CNTN3: variants seen among roughly 807,000 people sequenced by gnomAD.
CNTN3 encodes the protein contactin 3.
A neutral mutation model predicts 119.1 loss-of-function variants in CNTN3; 60 were observed. The observed-to-expected ratio is 0.50, with a 90% CI of 0.41 to 0.62. CNTN3 has a LOEUF of 0.62. Among genes scored for constraint, CNTN3 ranks in the 20% least tolerant of loss-of-function variants. The pLI is 0.00. For missense variants in CNTN3, 1,101 were observed against 1,242.4 expected (o/e 0.89, Z 1.71); for synonymous variants, 450 against 438.7 (o/e 1.03, Z -0.32).
At chr3:74,561,661 G>C (rs1704156116) in intron 1 of CNTN3, among the ~76,000 whole-genome samples, 2 of 152,086 alleles carry the variant, frequency 1.3e-5, no homozygotes, top group South Asian at 2.1e-4. Flanking sequence ...ACTTTCCTCA[G>C]ATCAATTATT....
intron 4 of CNTN3, among the ~76,000 whole-genome samples, chr3:74,478,732 A>G (rs781560026): frequency 1.3e-5 from 2 of 152,174 alleles, no homozygotes; most frequent in Non-Finnish European, 2.9e-5. Flanking sequence ...GTTTGTGCCA[A>G]CAACCAAATA....
At chr3:74,550,962 A>G (rs901727972) in intron 1 of CNTN3, among the ~76,000 whole-genome samples, 1 of 152,196 alleles carries the variant, frequency 6.6e-6, no homozygotes, top group African/African-American at 2.4e-5. Flanking sequence ...TAGCAAAGCT[A>G]TGCCAGCCTG....
intron 1 of CNTN3, among the ~76,000 whole-genome samples, chr3:74,524,420 A>G (rs777625394): frequency 1.3e-5 from 2 of 151,854 alleles, no homozygotes; most frequent in Non-Finnish European, 2.9e-5. Context: ...TGCCCACATG[A>G]AAGGTACAGT....
At chr3:74,543,460 G>T (rs2107150064) in intron 1 of CNTN3, among the ~76,000 whole-genome samples, 1 of 152,158 alleles carries the variant, frequency 6.6e-6, no homozygotes, top group South Asian at 2.1e-4. Flanking sequence ...GTGTGAGAAT[G>T]TACTCTTAGA....
intron 1 of CNTN3, among the ~76,000 whole-genome samples, chr3:74,556,910 A>C (rs1704077735): frequency 6.6e-6 from 1 of 152,132 alleles, no homozygotes; most frequent in Non-Finnish European, 1.5e-5. Flanking sequence ...CCATGTTTTC[A>C]TGTGCTTATT....
At chr3:74,391,418 C>T (rs1157760917) in intron 5 of CNTN3, among the ~76,000 whole-genome samples, 1 of 151,980 alleles carries the variant, frequency 6.6e-6, no homozygotes, top group Non-Finnish European at 1.5e-5. Context: ...GCTTATGTTC[C>T]CAACTGTAAC....
At chr3:74,328,548 T>C (rs1047703295) in intron 13 of CNTN3, among the ~76,000 whole-genome samples, 1 of 152,206 alleles carries the variant, frequency 6.6e-6, no homozygotes, top group Admixed American at 6.5e-5. Flanking sequence ...TTTGACTTAT[T>C]CTTGTAAATT....
chr3:74,528,704 T>C (rs940934009), intron 1 of CNTN3, among the ~76,000 whole-genome samples: 2 of 151,944 alleles, frequency 1.3e-5, no homozygotes, highest in African/African-American at 4.8e-5. Flanking sequence ...AGTAATCAGA[T>C]CATTAGAGAG....
chr3:74,301,337 C>A, intron 16 of CNTN3, 61 bp downstream of exon 16: 1 of 1,548,896 alleles, frequency 6.5e-7, no homozygotes, highest in Admixed American at 1.8e-5. Context: ...AGTTCAGGGC[C>A]AAGGGAAATG....
At chr3:74,476,390 A>C (rs1702655686) in intron 4 of CNTN3, among the ~76,000 whole-genome samples, 1 of 152,172 alleles carries the variant, frequency 6.6e-6, no homozygotes, top group Admixed American at 6.5e-5. Flanking sequence ...GACAGTTCTC[A>C]CTTTGGTATA....
At chr3:74,379,269 C>A (rs551115625) in intron 5 of CNTN3, among the ~76,000 whole-genome samples, 22 of 152,234 alleles carry the variant, frequency 1.4e-4, no homozygotes, top group African/African-American at 5.1e-4. Context: ...GATTCTCCTG[C>A]CTCAGCCTCC....
intron 2 of CNTN3, among the ~76,000 whole-genome samples, chr3:74,501,173 T>A (rs1559635076): frequency 6.6e-6 from 1 of 151,466 alleles, no homozygotes; most frequent in Non-Finnish European, 1.5e-5. Flanking sequence ...CACCCAATAG[T>A]CTTGCCTTGG....
Position 74,302,847 on chromosome 3 carries a change from T to A in CNTN3, c.1669-40A>T, listed in dbSNP as rs77822086. 3,349 of 1,326,822 alleles carry A rather than the reference T, an allele frequency of 2.5e-3. 57 individuals are homozygous for A. In the African/African-American group the frequency reaches 0.043, roughly 17 times the overall value. The allele number at this position is 1,326,822 out of a possible 1,614,324, so 82.2% of individuals were successfully genotyped here. ...GGTAATGAATACACTGTTATTTTTT[T>A]AAAAAACACAAAGAAGTTTGAAGTC... is the stretch of plus-strand genomic sequence containing the variant. On this transcript the variant is annotated intron_variant, in intron 13 of 22. Transcript: ENST00000263665.
chr3:74,436,503 T>C (rs2106919443), intron 4 of CNTN3, among the ~76,000 whole-genome samples: 1 of 152,338 alleles, frequency 6.6e-6, no homozygotes, highest in Middle Eastern at 3.4e-3. Flanking sequence ...CAAGCCCTTC[T>C]GCTTTCATCA....
At chr3:74,478,219 C>T (rs1212364912) in intron 4 of CNTN3, among the ~76,000 whole-genome samples, 4 of 152,060 alleles carry the variant, frequency 2.6e-5, no homozygotes, top group East Asian at 3.9e-4. Flanking sequence ...GATGTGTGCG[C>T]AGAATCCTCA....
At chr3:74,447,600 A>T (rs1192566402) in intron 4 of CNTN3, among the ~76,000 whole-genome samples, 1 of 152,210 alleles carries the variant, frequency 6.6e-6, no homozygotes, top group Non-Finnish European at 1.5e-5. Context: ...AAACATGTCA[A>T]GTTGAATTTA....
intron 11 of CNTN3, among the ~76,000 whole-genome samples, chr3:74,347,342 A>G (rs1703716036): frequency 6.6e-6 from 1 of 152,066 alleles, no homozygotes; most frequent in Non-Finnish European, 1.5e-5. Flanking sequence ...CATGGGTTCA[A>G]GCCATCCTTC....
At chr3:74,544,346 G>A (rs944529976) in intron 1 of CNTN3, among the ~76,000 whole-genome samples, 1 of 152,160 alleles carries the variant, frequency 6.6e-6, no homozygotes, top group Admixed American at 6.5e-5. Context: ...AGATCATATT[G>A]TTGAACTCTT....
At chr3:74,564,472 G>A (rs1704198470) in intron 1 of CNTN3, among the ~76,000 whole-genome samples, 2 of 151,626 alleles carry the variant, frequency 1.3e-5, no homozygotes, top group South Asian at 4.2e-4. Flanking sequence ...AGATATGTGT[G>A]TTTGCTGCCC....
Sources: allele counts gnomAD v4.1 joint callset (sites outside exome capture counted in the v4.1 genomes callset), GRCh38; gene constraint gnomAD v4.1.1; transcripts MANE v1.5; gene names NCBI Gene and HGNC (gene_info 2026-07-23, HGNC 2026-07-21).